Variants in IMPG1 observed in about 807,000 individuals in gnomAD.
IMPG1 encodes the protein interphotoreceptor matrix proteoglycan 1.
Under a neutral mutation model 92.0 loss-of-function variants are expected in IMPG1, and 85 were observed. That is an observed-to-expected ratio of 0.92 (90% confidence interval 0.78 to 1.11). The LOEUF is 1.11. Among genes scored for constraint, IMPG1 ranks in the 50% least tolerant of loss-of-function variants. The probability of loss-of-function intolerance (pLI) is 0.00; values close to 1 mark genes in which losing one functional copy is unlikely to be tolerated. For synonymous variants in IMPG1, 367 were observed against 334.1 expected (o/e 1.10, Z -1.08); for missense variants, 1,022 against 956.0 (o/e 1.07, Z -0.91).
rs187535301 is a variant in IMPG1, at chr6:76,068,226, T to C, written c.67+4196A>G. ...AAGAAAGAAATAAAGTATTCCAAAT[T>C]GGAAAAGAAGGAGTCGAATTATCTG... On this transcript the variant is annotated intron_variant, in intron 1 of 16. Transcript: ENST00000369950. Among the ~76,000 whole-genome samples, 27 of 152,226 alleles carry C rather than the reference T, an allele frequency of 1.8e-4. No homozygotes were observed. In the South Asian group the frequency reaches 5.4e-3, roughly 30 times the overall value.
intron 5 of IMPG1, 130 bp downstream of exon 5, chr6:76,025,064 G>T (rs1783499476): frequency 1.5e-6 from 1 of 663,032 alleles, no homozygotes; most frequent in South Asian, 1.7e-5. Context: ...TATAAAGTTA[G>T]AAATATAAGC....
intron 14 of IMPG1, among the ~76,000 whole-genome samples, chr6:75,937,420 G>A (rs574634270): frequency 6.6e-6 from 1 of 152,258 alleles, no homozygotes; most frequent in Admixed American, 6.5e-5. Context: ...AGTTAGAAGG[G>A]CTTATAAGAT....
At chr6:75,963,737 A>C (rs1582070195) in intron 12 of IMPG1, among the ~76,000 whole-genome samples, 2 of 152,330 alleles carry the variant, frequency 1.3e-5, no homozygotes, top group East Asian at 1.9e-4. Context: ...TCCCCAGCTC[A>C]GTGGTAGCCT....
intron 12 of IMPG1, among the ~76,000 whole-genome samples, chr6:75,981,253 G>A (rs890234818): frequency 2.0e-5 from 3 of 152,132 alleles, no homozygotes; most frequent in Non-Finnish European, 4.4e-5. Context: ...ATCTAGTAAA[G>A]TCCATAAAGA....
intron 1 of IMPG1, among the ~76,000 whole-genome samples, chr6:76,058,916 A>G (rs749840244): frequency 9.2e-5 from 14 of 152,188 alleles, no homozygotes; most frequent in Non-Finnish European, 1.8e-4. Context: ...GAGGTCAAAG[A>G]GCAAGATTTC....
At chr6:75,980,235 T>G (rs529422776) in intron 12 of IMPG1, among the ~76,000 whole-genome samples, 26 of 152,358 alleles carry the variant, frequency 1.7e-4, no homozygotes, top group Admixed American at 9.8e-4. Flanking sequence ...TAATCCATCC[T>G]GATTTACTGT....
chr6:75,965,814 A>T (rs989998361), intron 12 of IMPG1, among the ~76,000 whole-genome samples: 14 of 151,886 alleles, frequency 9.2e-5, no homozygotes, highest in Admixed American at 4.6e-4. Context: ...TCACCGTGTT[A>T]GCCAGGATGG....
chr6:75,984,112 T>C (rs868450292), intron 12 of IMPG1, among the ~76,000 whole-genome samples: 1 of 152,212 alleles, frequency 6.6e-6, no homozygotes, highest in Non-Finnish European at 1.5e-5. Context: ...TTGCACATTG[T>C]TCTTAGGAAT....
At chr6:75,993,773 A>G (rs951287151) in intron 12 of IMPG1, among the ~76,000 whole-genome samples, 1 of 152,226 alleles carries the variant, frequency 6.6e-6, no homozygotes, top group Non-Finnish European at 1.5e-5. Flanking sequence ...AAATAGTCAC[A>G]GTGGCTTAAT....
chr6:75,958,219 A>T (rs188434032), intron 12 of IMPG1, among the ~76,000 whole-genome samples: 202 of 152,016 alleles, frequency 1.3e-3, no homozygotes, highest in Non-Finnish European at 2.3e-3. Flanking sequence ...ATTGGTCCCC[A>T]CTCTCTTCTG....
At chr6:75,922,220 A>G (rs1582041684) in intron 16 of IMPG1, 54 bp from the exon 17 acceptor site, 1 of 750,456 alleles carries the variant, frequency 1.3e-6, no homozygotes, top group South Asian at 1.5e-5. Flanking sequence ...GGTCAAACCA[A>G]TGGTTCATTC....
chr6:75,927,755 C>A (rs1346098626), intron 15 of IMPG1, among the ~76,000 whole-genome samples: 1 of 149,414 alleles, frequency 6.7e-6, no homozygotes, highest in Non-Finnish European at 1.5e-5. Flanking sequence ...TCCTTCCCCA[C>A]TTCCTCTCAT....
intron 4 of IMPG1, among the ~76,000 whole-genome samples, chr6:76,027,440 T>C (rs897814858): frequency 1.3e-5 from 2 of 152,248 alleles, no homozygotes; most frequent in African/African-American, 2.4e-5. Context: ...CATTATACCA[T>C]GTAATTGAAA....
At chr6:75,941,803 C>G (rs1781840233) in intron 14 of IMPG1, among the ~76,000 whole-genome samples, 1 of 152,166 alleles carries the variant, frequency 6.6e-6, no homozygotes, top group Admixed American at 6.5e-5. Flanking sequence ...CTCTTTAAAC[C>G]AGCTTTGTCA....
At chr6:76,009,571 G>A (rs1783151086) in intron 8 of IMPG1, among the ~76,000 whole-genome samples, 1 of 152,116 alleles carries the variant, frequency 6.6e-6, no homozygotes, top group South Asian at 2.1e-4. Context: ...TTGTATTCAA[G>A]GGCCAAAATA....
At chr6:76,033,064 A>T (rs1783678327) in intron 4 of IMPG1, among the ~76,000 whole-genome samples, 3 of 152,216 alleles carry the variant, frequency 2.0e-5, no homozygotes, top group Non-Finnish European at 4.4e-5. Context: ...GGGAGAGTGT[A>T]GTACCCCAGA....
At chr6:76,035,278 G>A (rs1035240582) in intron 2 of IMPG1, among the ~76,000 whole-genome samples, 3 of 151,876 alleles carry the variant, frequency 2.0e-5, no homozygotes, top group Admixed American at 6.6e-5. Context: ...TGAGGTGGGC[G>A]GATCACCTGA....
At chr6:75,974,339 CT>C (rs775564350) in intron 12 of IMPG1, among the ~76,000 whole-genome samples, 10 of 61,102 alleles carry the variant, frequency 1.6e-4, no homozygotes, top group Non-Finnish European at 3.1e-4. Flanking sequence ...CCCTTTCTTT[CT>C]TTCTTTCTTT....
At chr6:76,012,433 G>A (rs540758869) in intron 7 of IMPG1, among the ~76,000 whole-genome samples, 2 of 152,294 alleles carry the variant, frequency 1.3e-5, no homozygotes, top group East Asian at 1.9e-4. Context: ...GAGCCTTCGA[G>A]TTTCCATCTT....
Sources: allele counts gnomAD v4.1 joint callset (sites outside exome capture counted in the v4.1 genomes callset), GRCh38; gene constraint gnomAD v4.1.1; transcripts MANE v1.5; gene names NCBI Gene and HGNC (gene_info 2026-07-23, HGNC 2026-07-21).